Variants in LUZP2 observed in about 807,000 individuals in gnomAD.
The protein encoded by LUZP2 is leucine zipper protein 2.
Under a neutral mutation model 51.6 loss-of-function variants are expected in LUZP2, and 52 were observed. The observed-to-expected ratio is 1.01, with a 90% CI of 0.81 to 1.27. The LOEUF (loss-of-function observed/expected upper bound fraction) is 1.27. Ranked by LOEUF, LUZP2 falls within the 50% of genes most tolerant of loss-of-function variation. The pLI, the probability that LUZP2 is intolerant of heterozygous loss-of-function variation, is 0.00. For missense variants in LUZP2, 436 were observed against 395.4 expected (o/e 1.10, Z -0.87); for synonymous variants, 154 against 137.3 (o/e 1.12, Z -0.85).
chr11:24,989,024 G>T (rs1297398080), intron 9 of LUZP2, among the ~76,000 whole-genome samples: 2 of 151,182 alleles, frequency 1.3e-5, no homozygotes, highest in Admixed American at 1.3e-4. Flanking sequence ...TCAGGCCCCA[G>T]TGCAGATCTG....
intron 1 of LUZP2, among the ~76,000 whole-genome samples, chr11:24,695,518 C>T (rs765692205): frequency 2.0e-5 from 3 of 151,990 alleles, no homozygotes; most frequent in Non-Finnish European, 4.4e-5. Context: ...CACTATAATA[C>T]GGTTGACTAT....
intron 5 of LUZP2, among the ~76,000 whole-genome samples, chr11:24,847,518 T>C (rs1590632554): frequency 1.3e-5 from 2 of 152,184 alleles, no homozygotes; most frequent in Admixed American, 1.3e-4. Flanking sequence ...CTGTGCTCTT[T>C]ACTGGAGGCA....
chr11:24,884,175 A>G (rs773684760), intron 5 of LUZP2, among the ~76,000 whole-genome samples: 2 of 152,042 alleles, frequency 1.3e-5, no homozygotes, highest in African/African-American at 4.8e-5. Context: ...ACCATAAATT[A>G]CTTTCTTTCC....
At chr11:24,851,248 T>G (rs1590638091) in intron 5 of LUZP2, among the ~76,000 whole-genome samples, 1 of 152,264 alleles carries the variant, frequency 6.6e-6, no homozygotes, top group South Asian at 2.1e-4. Context: ...TGGCTGTGGG[T>G]TTGTGATAAA....
chr11:24,773,702 T>A (rs1370996053), intron 5 of LUZP2, among the ~76,000 whole-genome samples: 1 of 152,152 alleles, frequency 6.6e-6, no homozygotes, highest in Non-Finnish European at 1.5e-5. Context: ...ATTACACATG[T>A]CTCATGTCTC....
At chr11:24,663,228 AT>A (rs1856081381) in intron 1 of LUZP2, among the ~76,000 whole-genome samples, 1 of 151,528 alleles carries the variant, frequency 6.6e-6, no homozygotes, top group Non-Finnish European at 1.5e-5. Context: ...ATGGGGGCAA[AT>A]TTTCCCCTTG....
chr11:24,781,273 G>C (rs1016760067), intron 5 of LUZP2, among the ~76,000 whole-genome samples: 5 of 151,960 alleles, frequency 3.3e-5, no homozygotes, highest in Non-Finnish European at 7.4e-5. Flanking sequence ...TCAACCATCA[G>C]CTGAAACATT....
chr11:24,636,565 A>G (rs1855113921), intron 1 of LUZP2, among the ~76,000 whole-genome samples: 1 of 152,184 alleles, frequency 6.6e-6, no homozygotes, highest in South Asian at 2.1e-4. Context: ...ACTTCAAACA[A>G]TGACCACCAC....
chr11:24,887,885 C>A (rs1167017285), intron 5 of LUZP2, among the ~76,000 whole-genome samples: 1 of 152,138 alleles, frequency 6.6e-6, no homozygotes, highest in Non-Finnish European at 1.5e-5. Flanking sequence ...ATAGTAGATG[C>A]TTTCCACTGT....
intron 9 of LUZP2, among the ~76,000 whole-genome samples, chr11:25,004,350 C>T (rs1226975384): frequency 6.6e-6 from 1 of 152,144 alleles, no homozygotes; most frequent in African/African-American, 2.4e-5. Flanking sequence ...ATTTTCTGTC[C>T]TCTGAACCAC....
intron 1 of LUZP2, among the ~76,000 whole-genome samples, chr11:24,655,462 C>T (rs575504275): frequency 2.0e-5 from 3 of 151,692 alleles, no homozygotes; most frequent in Admixed American, 2.0e-4. Context: ...AGGGATTGAT[C>T]GCATGGTGAT....
chr11:25,035,571 A>C (rs770623376), intron 9 of LUZP2, among the ~76,000 whole-genome samples: 1 of 152,264 alleles, frequency 6.6e-6, no homozygotes, highest in East Asian at 1.9e-4. Flanking sequence ...TTCCATGCTC[A>C]TTGTTTAGAA....
chr11:24,734,927 A>G (rs1426297897), intron 3 of LUZP2, among the ~76,000 whole-genome samples: 2 of 151,758 alleles, frequency 1.3e-5, no homozygotes, highest in African/African-American at 4.8e-5. Context: ...CTTCATCTGG[A>G]CTAGTGATCC....
chr11:24,661,406 A>C (rs902773828), intron 1 of LUZP2, among the ~76,000 whole-genome samples: 1 of 152,194 alleles, frequency 6.6e-6, no homozygotes, highest in African/African-American at 2.4e-5. Flanking sequence ...CGCACTCAGC[A>C]CCTGCTGCCT....
chr11:24,623,673 C>T lies in LUZP2; in HGVS notation c.63-105496C>T, dbSNP rs61285263. ...CCAGCCTGGCCAACATGGTGAAACCCCCTCTCTACTAAAAATACAAAAAAT... is the reference window on the plus strand; with the variant it reads ...CCAGCCTGGCCAACATGGTGAAACCTCCTCTCTACTAAAAATACAAAAAAT... On this transcript the variant is annotated intron_variant, in intron 1 of 11. Transcript: ENST00000336930. Among the ~76,000 whole-genome samples, 1,281 of 152,112 alleles carry T rather than the reference C, an allele frequency of 8.4e-3. 17 individuals are homozygous for T. The highest frequency in any genetic ancestry group is 0.028 in the African/African-American group (1,148 of 41,496).
rs1859467626 is a variant in LUZP2 at position 25,081,823 on chromosome 11, T to C, written c.*3165T>C. On this transcript the variant is annotated 3_prime_UTR_variant, in exon 12 of 12. Transcript: ENST00000336930. ...ATTTACATTTTGAAAAACATGGAAT[T>C]GATTCTTATTAAGAAAAAAGATATT... 1.3e-5 allele frequency: 2 copies of C among 152,164 alleles called. No homozygotes were observed. The highest frequency in any genetic ancestry group is 4.8e-5 in the African/African-American group (2 of 41,440). 9.4% of individuals were successfully genotyped at this position (152,164 alleles called of 1,614,324 possible). A position where few individuals can be genotyped will look rare whatever the true frequency, so the allele number is the denominator to read the frequency against.
At chr11:24,825,895 A>G (rs11028194) in intron 5 of LUZP2, among the ~76,000 whole-genome samples, 6,882 of 151,950 alleles carry the variant, frequency 0.045, 318 homozygotes, top group East Asian at 0.12. Flanking sequence ...AAAAATTATA[A>G]TAAAAGTTGG....
intron 1 of LUZP2, among the ~76,000 whole-genome samples, chr11:24,638,236 T>C (rs1246481038): frequency 6.6e-6 from 1 of 151,794 alleles, no homozygotes; most frequent in African/African-American, 2.4e-5. Flanking sequence ...CAATCAAATA[T>C]AGACTTTCTT....
In LUZP2 at chr11:25,078,614, A is replaced by C. The variant is rs1859387340; in HGVS notation, c.997A>C (p.Thr333Pro). ...GAAAAAAGCCCCAGAAAAACCATTG[A>C]CCAGCTTTGAAGGGATGGCAGCTAG... ...EVKKAPEKPL[T>P]SFEGMAAREE... Residue 333 changes from threonine (T) to proline (P), a missense_variant, in exon 12 of 12, where the codon ACC (threonine) becomes CCC (proline). Transcript: ENST00000336930. The C allele has an allele frequency of 6.2e-7, 1 of 1,611,962 alleles. No individual in the cohort carries two copies. The highest frequency in any genetic ancestry group is 1.3e-5 in the African/African-American group (1 of 74,728).
Sources: allele counts gnomAD v4.1 joint callset (sites outside exome capture counted in the v4.1 genomes callset), GRCh38; gene constraint gnomAD v4.1.1; transcripts MANE v1.5; gene names NCBI Gene and HGNC (gene_info 2026-07-23, HGNC 2026-07-21).